Variants in LSM14A observed in about 807,000 individuals in gnomAD.
The protein encoded by LSM14A is LSM14A mRNA processing body assembly factor, also known as protein LSM14 homolog A.
A neutral mutation model predicts 52.4 loss-of-function variants in LSM14A; 14 were observed. That is an observed-to-expected ratio of 0.27 (90% confidence interval 0.18 to 0.42). LSM14A has a LOEUF of 0.42. Among genes scored for constraint, LSM14A ranks in the 10% least tolerant of loss-of-function variants. LSM14A has a pLI of 1.00. For synonymous variants in LSM14A, 185 were observed against 200.3 expected, an observed-to-expected ratio of 0.92 and a Z score of 0.64; for missense variants, 417 against 581.8, an observed-to-expected ratio of 0.72 and a Z score of 2.91.
intron 1 of LSM14A, among the ~76,000 whole-genome samples, chr19:34,175,430 C>A (rs981575938): frequency 3.9e-5 from 6 of 152,080 alleles, no homozygotes; most frequent in African/African-American, 1.4e-4. Context: ...CAGGCTTTCA[C>A]CATATTGGCC....
At chr19:34,191,257 A>G (rs192676809) in intron 1 of LSM14A, among the ~76,000 whole-genome samples, 1 of 150,908 alleles carries the variant, frequency 6.6e-6, no homozygotes, top group Non-Finnish European at 1.5e-5. Flanking sequence ...AGTCTATGCT[A>G]TCTGTTTTTC....
At chr19:34,178,283 C>A (rs1237777809) in intron 1 of LSM14A, among the ~76,000 whole-genome samples, 1 of 152,084 alleles carries the variant, frequency 6.6e-6, no homozygotes, top group African/African-American at 2.4e-5. Flanking sequence ...GTGAAATGGT[C>A]GATGTGCCTT....
At chr19:34,226,822 C>A (rs555966996) in intron 9 of LSM14A, among the ~76,000 whole-genome samples, 16 of 152,266 alleles carry the variant, frequency 1.1e-4, no homozygotes, top group Admixed American at 9.2e-4. Context: ...TTTAAAAATT[C>A]CCCAGTCAGC....
intron 3 of LSM14A, among the ~76,000 whole-genome samples, chr19:34,206,845 G>A (rs555138280): frequency 6.6e-6 from 1 of 152,306 alleles, no homozygotes; most frequent in East Asian, 1.9e-4. Context: ...GTAGAAGCCA[G>A]CACTTCAGAA....
In LSM14A at chr19:34,219,871, A is replaced by C; in HGVS notation, c.1130A>C (p.Asp377Ala). ...TTCTTTGATAATATTTCTTGTGATGACAATAGGTACAGTTTTTAAGCTGTT... is the reference window on the plus strand; with the variant it reads ...TTCTTTGATAATATTTCTTGTGATGCCAATAGGTACAGTTTTTAAGCTGTT... ...KSFFDNISCDDNRERRPTWAE... is the reference protein window; with the variant it reads ...KSFFDNISCDANRERRPTWAE... The change falls in exon 8 of 10, where the codon GAC becomes GCC. Residue 377 changes from aspartate (D) to alanine (A), a missense_variant. Physicochemically the swap from Asp to Ala is moderately radical, Grantham distance 126. Transcript: ENST00000544216. 1 of 1,602,582 alleles carries C rather than the reference A, an allele frequency of 6.2e-7. No individual in the cohort carries two copies. Among genetic ancestry groups the C allele is most frequent in the Non-Finnish European group, 8.5e-7 (1 of 1,171,308 alleles).
chr19:34,226,375 C>CTTTTTTT (rs528137318), intron 9 of LSM14A: 507 of 1,195,798 alleles, frequency 4.2e-4, no homozygotes, highest in South Asian at 1.5e-3. Flanking sequence ...ATCTCTTTCT[C>CTTTTTTT]TTTTTTTTTT....
chr19:34,213,725 C>T (rs2072340893), intron 4 of LSM14A, among the ~76,000 whole-genome samples: 1 of 152,142 alleles, frequency 6.6e-6, no homozygotes, highest in South Asian at 2.1e-4. Flanking sequence ...ACCAGGCGAC[C>T]TCATAAAAGG....
At chr19:34,216,808 GTTCGTTTATATTTACATTTTCCTATGGC>G (rs2072637863) in intron 6 of LSM14A, among the ~76,000 whole-genome samples, 2 of 152,122 alleles carry the variant, frequency 1.3e-5, no homozygotes, top group African/African-American at 4.8e-5. Context: ...AGAAGGATTT[GTTCGTTTATATTTACATTTTCCTATGGC>G]TTCTACTTTT....
intron 1 of LSM14A, among the ~76,000 whole-genome samples, chr19:34,176,723 A>T (rs1220720653): frequency 2.0e-5 from 3 of 152,244 alleles, no homozygotes; most frequent in Non-Finnish European, 4.4e-5. Context: ...TATTATAAAC[A>T]ATGCTTTTAT....
chr19:34,221,382 A>G (rs570467887), intron 8 of LSM14A, 125 bp from the exon 9 acceptor site: 143 of 1,138,716 alleles, frequency 1.3e-4, no homozygotes, highest in Middle Eastern at 9.1e-4. Context: ...ACGCCTAGCC[A>G]AGATGCTTAT....
At chr19:34,208,705 AG>A (rs1403220577) in intron 3 of LSM14A, 1 of 397,156 alleles carries the variant, frequency 2.5e-6, no homozygotes, top group African/African-American at 2.0e-5. Flanking sequence ...CTTGCATCCA[AG>A]GATAGTGGAC....
At chr19:34,223,089 G>A (rs543930787) in intron 9 of LSM14A, among the ~76,000 whole-genome samples, 2 of 150,916 alleles carry the variant, frequency 1.3e-5, no homozygotes, top group East Asian at 1.9e-4. Flanking sequence ...TTTTTTTTGG[G>A]GGGTGGAGGG....
chr19:34,173,291 C>G (rs902194100), intron 1 of LSM14A, among the ~76,000 whole-genome samples: 27 of 152,152 alleles, frequency 1.8e-4, no homozygotes, highest in African/African-American at 6.3e-4. Flanking sequence ...CCATCGATGC[C>G]GTGGAGCAGA....
rs117558454 is a variant in LSM14A at position 34,181,162 on chromosome 19, C to T, written c.121+8399C>T. Among the ~76,000 whole-genome samples, 1,364 of 152,106 alleles carry T rather than the reference C, an allele frequency of 9.0e-3. 13 individuals carry two copies. Among genetic ancestry groups the T allele is most frequent in the South Asian group, 0.021 (100 of 4,820 alleles). On this transcript the variant is annotated intron_variant, in intron 1 of 9. Transcript: ENST00000544216. ...CCCTTCCACTTGTGCAGCATTTGTC[C>T]CCTCTTGGTGATTCAAGAACATTGC... is the stretch of plus-strand genomic sequence containing the variant.
At chr19:34,210,390 C>T (rs1196474269) in intron 4 of LSM14A, among the ~76,000 whole-genome samples, 1 of 151,964 alleles carries the variant, frequency 6.6e-6, no homozygotes, top group Non-Finnish European at 1.5e-5. Flanking sequence ...CTGCCTCACC[C>T]TCCCAAATAG....
intron 3 of LSM14A, among the ~76,000 whole-genome samples, chr19:34,203,095 C>T (rs751086399): frequency 1.3e-5 from 2 of 152,130 alleles, no homozygotes; most frequent in Non-Finnish European, 2.9e-5. Flanking sequence ...CCTGTGTTAC[C>T]ATTGAACAGT....
At chr19:34,197,201 C>T (rs554440218) in intron 3 of LSM14A, among the ~76,000 whole-genome samples, 3 of 151,972 alleles carry the variant, frequency 2.0e-5, no homozygotes, top group African/African-American at 4.8e-5. Context: ...AAGCAATTCT[C>T]GTGCCTCAGC....
At chr19:34,198,673 A>T (rs1212948295) in intron 3 of LSM14A, among the ~76,000 whole-genome samples, 1 of 151,978 alleles carries the variant, frequency 6.6e-6, no homozygotes, top group East Asian at 1.9e-4. Context: ...AGATGCTATT[A>T]CATATTAAAT....
chr19:34,221,069 T>C (rs1012775481), intron 8 of LSM14A, among the ~76,000 whole-genome samples: 6 of 150,788 alleles, frequency 4.0e-5, no homozygotes, highest in Non-Finnish European at 5.9e-5. Context: ...TCGTGATAAC[T>C]TAGATAAGAT....
Sources: allele counts gnomAD v4.1 joint callset (sites outside exome capture counted in the v4.1 genomes callset), GRCh38; gene constraint gnomAD v4.1.1; transcripts MANE v1.5; gene names NCBI Gene and HGNC (gene_info 2026-07-23, HGNC 2026-07-21).